Variants in PDGFD observed in about 807,000 individuals in gnomAD.
PDGFD encodes platelet derived growth factor D.
PDGFD carries 30 observed loss-of-function variants against 44.7 expected under a neutral mutation model. The ratio of observed to expected loss-of-function variants is 0.67; its 90% CI spans 0.50 to 0.91. PDGFD has a LOEUF of 0.91. Among genes scored for constraint, PDGFD ranks in the 40% least tolerant of loss-of-function variants. The pLI is 0.00. For synonymous variants in PDGFD, 173 were observed against 168.4 expected, an observed-to-expected ratio of 1.03 and a Z score of -0.21; for missense variants, 445 against 457.8, an observed-to-expected ratio of 0.97 and a Z score of 0.25.
chr11:103,944,415 A>G (rs1162875685), intron 4 of PDGFD, among the ~76,000 whole-genome samples: 2 of 152,174 alleles, frequency 1.3e-5, no homozygotes, highest in Non-Finnish European at 2.9e-5. Flanking sequence ...CCAAGCACTT[A>G]CTTCACTAAC....
At chr11:104,083,429 C>T (rs1448023328) in intron 1 of PDGFD, among the ~76,000 whole-genome samples, 1 of 152,118 alleles carries the variant, frequency 6.6e-6, no homozygotes, top group African/African-American at 2.4e-5. Flanking sequence ...ATGACACATT[C>T]CACAATAGGA....
intron 5 of PDGFD, among the ~76,000 whole-genome samples, chr11:103,936,239 G>A (rs1032011298): frequency 6.6e-6 from 1 of 152,170 alleles, no homozygotes; most frequent in Non-Finnish European, 1.5e-5. Flanking sequence ...GATATCTGAA[G>A]ACTGACTGAT....
At chr11:103,926,407 A>G (rs771062465) in intron 6 of PDGFD, among the ~76,000 whole-genome samples, 1 of 152,220 alleles carries the variant, frequency 6.6e-6, no homozygotes, top group African/African-American at 2.4e-5. Flanking sequence ...ACTTAATAAT[A>G]GTTAAAATAA....
chr11:103,959,451 T>C lies in PDGFD; in HGVS notation c.511-11727A>G, dbSNP rs529955125. ...TAATGTAAAGTCTGAAACAAAAGCA[T>C]AGGACTCATACCCTTGCAAATTACT... On this transcript the variant is annotated intron_variant, in intron 3 of 6. Coordinates refer to ENST00000393158, the MANE Select transcript of PDGFD (RefSeq NM_025208.5). Among the ~76,000 whole-genome samples, 9 of 152,310 alleles carry C rather than the reference T, an allele frequency of 5.9e-5. No individual in the cohort carries two copies. In the East Asian group the frequency reaches 1.7e-3, roughly 29 times the overall value.
intron 1 of PDGFD, among the ~76,000 whole-genome samples, chr11:104,051,223 T>C (rs1250497732): frequency 6.6e-6 from 1 of 152,178 alleles, no homozygotes; most frequent in African/African-American, 2.4e-5. Flanking sequence ...AGGTTTCGCC[T>C]GCATGGAATT....
At chr11:104,162,114 T>C (rs1236143738) in intron 1 of PDGFD, among the ~76,000 whole-genome samples, 1 of 151,802 alleles carries the variant, frequency 6.6e-6, no homozygotes, top group Non-Finnish European at 1.5e-5. Flanking sequence ...GTATAGAGTT[T>C]TAACAATGGA....
At chr11:104,029,400 G>A (rs1475007342) in intron 1 of PDGFD, among the ~76,000 whole-genome samples, 53 of 152,144 alleles carry the variant, frequency 3.5e-4, no homozygotes, top group Admixed American at 3.3e-3. Flanking sequence ...ATAGACAGAT[G>A]GGCTTTAGCC....
chr11:104,053,849 C>A (rs948804192), intron 1 of PDGFD, among the ~76,000 whole-genome samples: 4 of 152,068 alleles, frequency 2.6e-5, no homozygotes, highest in Non-Finnish European at 5.9e-5. Flanking sequence ...CTGAGTCTTC[C>A]GAATTTCAGG....
chr11:103,991,663 A>T (rs1859454563), intron 3 of PDGFD, among the ~76,000 whole-genome samples: 2 of 152,358 alleles, frequency 1.3e-5, no homozygotes, highest in South Asian at 4.1e-4. Context: ...ACACAGACAC[A>T]CACGCAAGTG....
intron 1 of PDGFD, among the ~76,000 whole-genome samples, chr11:104,163,301 C>T (rs1862415167): frequency 6.6e-6 from 1 of 152,180 alleles, no homozygotes. Flanking sequence ...TAAATTGTCA[C>T]TGTTCCAGAT....
At chr11:104,111,168 T>C (rs1026492409) in intron 1 of PDGFD, among the ~76,000 whole-genome samples, 1 of 152,010 alleles carries the variant, frequency 6.6e-6, no homozygotes, top group Non-Finnish European at 1.5e-5. Context: ...CTTATCCAAT[T>C]CTTAAAATTT....
chr11:103,959,421 A>G (rs1404853747), intron 3 of PDGFD, among the ~76,000 whole-genome samples: 3 of 152,172 alleles, frequency 2.0e-5, no homozygotes, highest in Non-Finnish European at 2.9e-5. Flanking sequence ...AACTAGAGAG[A>G]TGGTTAATGT....
chr11:103,963,569 AT>A (rs1161803216), intron 3 of PDGFD, among the ~76,000 whole-genome samples: 2 of 152,126 alleles, frequency 1.3e-5, no homozygotes, highest in Non-Finnish European at 2.9e-5. Context: ...GTGCCTACCC[AT>A]TGCTAGTACT....
chr11:104,013,441 G>A (rs1487155603), intron 1 of PDGFD, among the ~76,000 whole-genome samples: 2 of 152,116 alleles, frequency 1.3e-5, no homozygotes, highest in African/African-American at 4.8e-5. Flanking sequence ...AGATGCTACT[G>A]TGTGGCTGGA....
chr11:104,147,019 A>C (rs1862172675), intron 1 of PDGFD, among the ~76,000 whole-genome samples: 2 of 151,728 alleles, frequency 1.3e-5, no homozygotes, highest in African/African-American at 4.8e-5. Flanking sequence ...AAAAAAAAAA[A>C]TAGTTGTTTT....
At chr11:103,969,123 A>G (rs539597136) in intron 3 of PDGFD, among the ~76,000 whole-genome samples, 5 of 152,204 alleles carry the variant, frequency 3.3e-5, no homozygotes, top group South Asian at 4.2e-4. Context: ...TTTTTCATCA[A>G]CTTTCATGCT....
intron 6 of PDGFD, among the ~76,000 whole-genome samples, chr11:103,910,934 G>A (rs753250011): frequency 3.3e-5 from 5 of 152,184 alleles, no homozygotes; most frequent in Admixed American, 1.3e-4. Context: ...TAGGCGAGGC[G>A]GTTTTACCCT....
At chr11:103,997,964 G>A (rs1291016674) in intron 2 of PDGFD, among the ~76,000 whole-genome samples, 1 of 152,052 alleles carries the variant, frequency 6.6e-6, no homozygotes, top group African/African-American at 2.4e-5. Context: ...AACTAGATTT[G>A]ATTAATGGTT....
chr11:104,158,761 G>C (rs1027932883), intron 1 of PDGFD, among the ~76,000 whole-genome samples: 1 of 151,502 alleles, frequency 6.6e-6, no homozygotes, highest in Admixed American at 6.6e-5. Flanking sequence ...TGAACCGGGA[G>C]GTGGAGCTTT....
Sources: gnomAD v4.1 joint callset for allele counts (sites outside exome capture counted in the v4.1 genomes callset) on GRCh38, gnomAD v4.1.1 for gene constraint, MANE v1.5 for transcripts, NCBI Gene and HGNC (gene_info 2026-07-23, HGNC 2026-07-21) for gene names.